Variants in PTPRO observed in about 807,000 individuals in gnomAD.
PTPRO encodes receptor-type tyrosine-protein phosphatase O.
In PTPRO, 62 loss-of-function variants were observed where a neutral mutation model predicts 145.2. The observed-to-expected ratio is 0.43, with a 90% confidence interval of 0.35 to 0.53. The LOEUF is 0.53. Among genes scored for constraint, PTPRO ranks in the 20% least tolerant of loss-of-function variants. PTPRO has a pLI of 0.01. For synonymous variants in PTPRO, 565 were observed against 514.7 expected (o/e 1.10, Z -1.32); for missense variants, 1,345 against 1,482.7 (o/e 0.91, Z 1.53).
chr12:15,512,628 TTAAA>T (rs1942465731), intron 7 of PTPRO, among the ~76,000 whole-genome samples: 2 of 152,212 alleles, frequency 1.3e-5, no homozygotes, highest in African/African-American at 4.8e-5. Flanking sequence ...AAAGTGTATT[TTAAA>T]TAAATAAAAT....
chr12:15,384,041 A>C (rs769635752), intron 1 of PTPRO, among the ~76,000 whole-genome samples: 1 of 152,042 alleles, frequency 6.6e-6, no homozygotes, highest in Non-Finnish European at 1.5e-5. Context: ...CAGTCTTATG[A>C]TCTCTATTTT....
At chr12:15,373,817 A>G (rs1332702987) in intron 1 of PTPRO, among the ~76,000 whole-genome samples, 2 of 152,212 alleles carry the variant, frequency 1.3e-5, no homozygotes, top group Non-Finnish European at 1.5e-5. Context: ...CAAAAAATGT[A>G]ATACAAAATT....
rs118178871 is a variant in PTPRO, at chr12:15,441,498, C to A, written c.76-42476C>A. On this transcript the variant is annotated intron_variant, in intron 1 of 26. Coordinates refer to ENST00000281171, the MANE Select transcript of PTPRO (RefSeq NM_030667.3). The stretch of plus-strand genomic sequence containing the variant: ...AAAGTTCTCAGAAGAAAAGAAAGAA[C>A]TAAAATTAGGGCAGATATTGAGAAT... Among the ~76,000 whole-genome samples the A allele has an allele frequency of 9.9e-3, 1,503 of 152,048 alleles. 16 individuals are homozygous for A. The highest frequency in any genetic ancestry group is 0.015 in the Admixed American group (230 of 15,278).
intron 1 of PTPRO, among the ~76,000 whole-genome samples, chr12:15,480,744 T>C (rs1001361138): frequency 7.9e-5 from 12 of 151,482 alleles, no homozygotes; most frequent in African/African-American, 2.7e-4. Context: ...GATGGATGGA[T>C]GGATGGATGG....
Position 15,595,063 on chromosome 12 carries a change from TGGA to T in PTPRO, c.*16+8_*16+10del, listed in dbSNP as rs776952456. On this transcript the variant is annotated splice_region_variant and intron_variant, in intron 26 of 26. Transcript: ENST00000281171. ...CTAGTTCAGAATCCGGAGCAGTAAGTGGAGAAGAGCTCTCCACGAGTGCTCAGT... is the reference window on the plus strand; with the variant it reads ...CTAGTTCAGAATCCGGAGCAGTAAGTGAAGAGCTCTCCACGAGTGCTCAGT... 1.6e-5 allele frequency: 25 copies of T among 1,567,468 alleles called. No homozygotes were observed. The highest frequency in any genetic ancestry group is 2.0e-5 in the Non-Finnish European group (23 of 1,138,230).
chr12:15,375,760 CAAAA>C (rs529757376), intron 1 of PTPRO, among the ~76,000 whole-genome samples: 14 of 84,646 alleles, frequency 1.7e-4, no homozygotes, highest in East Asian at 3.3e-4. Flanking sequence ...TGTCCCCCAC[CAAAA>C]AAAAAAAAAA....
intron 12 of PTPRO, among the ~76,000 whole-genome samples, chr12:15,538,981 C>T (rs987787835): frequency 1.3e-5 from 2 of 152,124 alleles, no homozygotes; most frequent in Non-Finnish European, 2.9e-5. Flanking sequence ...TACCTGAGTT[C>T]AGAATAAAAG....
intron 1 of PTPRO, among the ~76,000 whole-genome samples, chr12:15,350,847 T>A (rs960235587): frequency 6.6e-6 from 1 of 152,248 alleles, no homozygotes; most frequent in Non-Finnish European, 1.5e-5. Flanking sequence ...TGCGGACATG[T>A]GGCTGAGAAC....
intron 1 of PTPRO, among the ~76,000 whole-genome samples, chr12:15,413,155 A>C (rs912055614): frequency 2.6e-4 from 39 of 152,092 alleles, no homozygotes; most frequent in Non-Finnish European, 5.1e-4. Context: ...CAGTGGCACC[A>C]TCTTGGCTCA....
intron 15 of PTPRO, among the ~76,000 whole-genome samples, chr12:15,553,560 C>T (rs1205776588): frequency 1.3e-5 from 2 of 152,070 alleles, no homozygotes; most frequent in African/African-American, 4.8e-5. Context: ...GTGACTAAAG[C>T]GGAGGAAGAC....
chr12:15,419,619 G>A (rs572722833), intron 1 of PTPRO, among the ~76,000 whole-genome samples: 2 of 151,616 alleles, frequency 1.3e-5, no homozygotes, highest in Middle Eastern at 3.4e-3. Context: ...ACTACAGCAA[G>A]AAAATTAATT....
At chr12:15,578,307 A>C (rs1944231591) in intron 19 of PTPRO, among the ~76,000 whole-genome samples, 1 of 152,176 alleles carries the variant, frequency 6.6e-6, no homozygotes, top group South Asian at 2.1e-4. Flanking sequence ...AAAAATCTGA[A>C]ATGCATTTTT....
chr12:15,415,386 ATT>A (rs58919838), intron 1 of PTPRO, among the ~76,000 whole-genome samples: 1,778 of 132,422 alleles, frequency 0.013, 8 homozygotes, highest in Middle Eastern at 0.019. Flanking sequence ...GGTGAAATGA[ATT>A]TTTTTTTTTT....
chr12:15,328,089 G>A (rs1866497795), intron 1 of PTPRO, among the ~76,000 whole-genome samples: 1 of 151,690 alleles, frequency 6.6e-6, no homozygotes, highest in African/African-American at 2.4e-5. Flanking sequence ...ACTCCAGCCT[G>A]GGCGACAAGA....
At chr12:15,443,204 A>G (rs553575264) in intron 1 of PTPRO, among the ~76,000 whole-genome samples, 2 of 152,260 alleles carry the variant, frequency 1.3e-5, no homozygotes, top group African/African-American at 4.8e-5. Flanking sequence ...AAGCCATCTG[A>G]TCTTTGACAA....
chr12:15,367,978 C>G (rs1435064481), intron 1 of PTPRO, among the ~76,000 whole-genome samples: 1 of 152,186 alleles, frequency 6.6e-6, no homozygotes, highest in East Asian at 1.9e-4. Flanking sequence ...CTAAAGAGGC[C>G]ATAAAGACTG....
chr12:15,419,543 G>T (rs1940074615), intron 1 of PTPRO, among the ~76,000 whole-genome samples: 1 of 151,592 alleles, frequency 6.6e-6, no homozygotes, highest in Admixed American at 6.6e-5. Flanking sequence ...AAGCCATCCA[G>T]GCCACAAGAT....
In PTPRO at chr12:15,499,592, C is replaced by A; in HGVS notation, c.659C>A (p.Thr220Asn). 3 of 1,612,914 alleles carry A rather than the reference C, an allele frequency of 1.9e-6. No homozygotes were observed. Among genetic ancestry groups the A allele is most frequent in the Non-Finnish European group, 2.5e-6 (3 of 1,178,998 alleles). ...AGTCACGAACCCAAACAGCACAGAACTGGTAAGTCTCCTGAAGAATCAAAT... is the reference window on the plus strand; with the variant it reads ...AGTCACGAACCCAAACAGCACAGAAATGGTAAGTCTCCTGAAGAATCAAAT... Reference protein sequence around the residue: ...GVSHEPKQHRTAPYPPQNISV... With the variant: ...GVSHEPKQHRNAPYPPQNISV... The change falls in exon 4 of 27, where the codon ACT becomes AAT. Residue 220 changes from threonine (T) to asparagine (N), a missense_variant and splice_region_variant. By Grantham distance (65) the Thr-to-Asn change is moderately conservative. Coordinates refer to ENST00000281171, the MANE Select transcript of PTPRO (RefSeq NM_030667.3).
At chr12:15,533,724 T>C (rs929174883) in intron 12 of PTPRO, among the ~76,000 whole-genome samples, 17 of 152,210 alleles carry the variant, frequency 1.1e-4, no homozygotes, top group Non-Finnish European at 1.2e-4. Flanking sequence ...CATTTTGATA[T>C]ATATAGAAGT....
Sources: gnomAD v4.1 joint callset for allele counts (sites outside exome capture counted in the v4.1 genomes callset) on GRCh38, gnomAD v4.1.1 for gene constraint, MANE v1.5 for transcripts, NCBI Gene and HGNC (gene_info 2026-07-23, HGNC 2026-07-21) for gene names.